Variants in ASH1L observed in about 807,000 individuals in gnomAD.
The protein encoded by ASH1L is ASH1 like histone lysine methyltransferase.
ASH1L carries 23 observed loss-of-function variants against 269.0 expected under a neutral mutation model. The ratio of observed to expected loss-of-function variants is 0.09; its 90% CI spans 0.06 to 0.12. The LOEUF is 0.12. ASH1L is among the 10% of genes least tolerant of loss of function. The pLI is 1.00. For missense variants in ASH1L, 2,912 were observed against 3,567.8 expected, an observed-to-expected ratio of 0.82 and a Z score of 4.68; for synonymous variants, 1,187 against 1,253.5, an observed-to-expected ratio of 0.95 and a Z score of 1.12.
intron 1 of ASH1L, among the ~76,000 whole-genome samples, chr1:155,553,334 CATT>C (rs1259781656): frequency 1.3e-5 from 2 of 152,108 alleles, no homozygotes; most frequent in Admixed American, 6.6e-5. Context: ...ATTTTATTGA[CATT>C]AATCTTTGCT....
intron 6 of ASH1L, among the ~76,000 whole-genome samples, chr1:155,405,246 T>G (rs1441020794): frequency 6.9e-6 from 1 of 145,212 alleles, no homozygotes; most frequent in Non-Finnish European, 1.5e-5. Flanking sequence ...TTTAGGGGGC[T>G]GAGGGGGGGG....
chr1:155,500,433 CA>C (rs1402770779), intron 2 of ASH1L, among the ~76,000 whole-genome samples: 1 of 152,170 alleles, frequency 6.6e-6, no homozygotes, highest in Non-Finnish European at 1.5e-5. Flanking sequence ...TCCATCATAG[CA>C]AGACTCAGAG....
chr1:155,533,346 A>T (rs1464743957), intron 1 of ASH1L, among the ~76,000 whole-genome samples: 4 of 152,062 alleles, frequency 2.6e-5, no homozygotes, highest in Admixed American at 2.6e-4. Context: ...ATGAAAAGAC[A>T]GGCTAATGGC....
At chr1:155,501,518 G>A (rs974311423) in intron 2 of ASH1L, among the ~76,000 whole-genome samples, 2 of 151,786 alleles carry the variant, frequency 1.3e-5, no homozygotes, top group Admixed American at 6.6e-5. Flanking sequence ...CTACAGGTGG[G>A]TGTCACCATT....
chr1:155,484,941 A>C lies in ASH1L; in HGVS notation c.421-2492T>G, dbSNP rs1201153599. ...GATGCTCTGTCTCAAAAAAAAAAAA[A>C]AACAAAAACAAAAACAAAAACAAAA... On this transcript the variant is annotated intron_variant, in intron 2 of 27. Coordinates refer to ENST00000392403, the MANE Select transcript of ASH1L (RefSeq NM_018489.3). 1.3e-4 allele frequency among the ~76,000 whole-genome samples: 17 copies of C among 134,366 alleles called. No individual in the cohort carries two copies. In the East Asian group the frequency reaches 2.8e-3, roughly 22 times the overall value. 88.1% of individuals were successfully genotyped at this position (134,366 alleles called of 152,430 possible).
intron 2 of ASH1L, among the ~76,000 whole-genome samples, chr1:155,504,801 CTGAGA>C (rs1558174239): frequency 6.7e-6 from 1 of 149,886 alleles, no homozygotes; most frequent in Non-Finnish European, 1.5e-5. Context: ...TTGCAGTGAG[CTGAGA>C]TAACACCATT....
chr1:155,563,017 G>T, upstream of ASH1L: 4 of 458,454 alleles, frequency 8.7e-6, 1 homozygote, highest in South Asian at 6.1e-5. Flanking sequence ...GCGGGTCGGG[G>T]CTTGCCGTTT....
rs780886514 is a variant in ASH1L at position 155,478,384 on chromosome 1, CAGA to C, written c.4483_4485del (p.Ser1495del). On this transcript the variant is annotated inframe_deletion, in exon 3 of 28. Transcript: ENST00000392403. The surrounding 1 kb of genome is among the most constrained non-coding windows in gnomAD (Gnocchi z 4.6). Reference sequence around the variant, plus strand: ...GTGTCCATAGAAACCTGGGGTTGTTCAGAAGAACGGTGTTCTCTGTGTTTGTGA... The same window carrying C: ...GTGTCCATAGAAACCTGGGGTTGTTCAGAACGGTGTTCTCTGTGTTTGTGA... The C allele has an allele frequency of 1.9e-5, 30 of 1,613,922 alleles. No individual in the cohort carries two copies. Among genetic ancestry groups the C allele is most frequent in the Non-Finnish European group, 2.3e-5 (27 of 1,180,020 alleles).
chr1:155,558,234 C>T (rs898200030), intron 1 of ASH1L, among the ~76,000 whole-genome samples: 2 of 152,112 alleles, frequency 1.3e-5, no homozygotes, highest in South Asian at 2.1e-4. Context: ...TTTGGGAGGC[C>T]GAGGCGGGTG....
At chr1:155,358,782 AT>A (rs1158883484) in intron 13 of ASH1L, 6 of 151,894 alleles carry the variant, frequency 4.0e-5, no homozygotes, top group Non-Finnish European at 8.8e-5. Context: ...TCTCTGTATC[AT>A]TCCAATTTTA....
At chr1:155,417,936 T>C (rs1660350014) in intron 5 of ASH1L, among the ~76,000 whole-genome samples, 1 of 149,336 alleles carries the variant, frequency 6.7e-6, no homozygotes, top group Non-Finnish European at 1.5e-5. Flanking sequence ...CCAGCCTGGG[T>C]GACAAGAGCA....
At chr1:155,440,607 A>C (rs756406081) in intron 4 of ASH1L, 2 of 776,754 alleles carry the variant, frequency 2.6e-6, no homozygotes. Context: ...AAAATTACCA[A>C]AACGAAAAAT....
At chr1:155,346,332 G>A (rs776988825) in intron 21 of ASH1L, 51 bp downstream of exon 21, 3 of 1,569,126 alleles carry the variant, frequency 1.9e-6, no homozygotes, top group African/African-American at 1.3e-5. Flanking sequence ...GAGATACCAT[G>A]TGCTACCTCT....
chr1:155,378,162 A>G (rs1656627449), intron 10 of ASH1L, 119 bp downstream of exon 10: 5 of 708,548 alleles, frequency 7.1e-6, no homozygotes, highest in Admixed American at 2.2e-5. Context: ...TATGGTTTAT[A>G]TATCTTTGTG....
At chr1:155,428,346 G>A (rs1661328536) in intron 5 of ASH1L, among the ~76,000 whole-genome samples, 1 of 150,796 alleles carries the variant, frequency 6.6e-6, no homozygotes, top group South Asian at 2.1e-4. Context: ...GAGACTGAGG[G>A]CAGGAGAATT....
At chr1:155,457,297 A>T (rs535459307) in intron 4 of ASH1L, among the ~76,000 whole-genome samples, 1 of 152,292 alleles carries the variant, frequency 6.6e-6, no homozygotes, top group South Asian at 2.1e-4. Context: ...AACTCCTCTG[A>T]ATGAAAAAAA....
rs552980634 is a variant in ASH1L, at chr1:155,433,261, G to A, written c.5828+5066C>T. ...GTGATGGGCCAGGGGGGCCGGAGCC[G>A]GGCTGGGTTGATCCTCGGACCTGGC... On this transcript the variant is annotated intron_variant, in intron 5 of 27. Coordinates refer to ENST00000392403, the MANE Select transcript of ASH1L (RefSeq NM_018489.3). 52 of 1,558,128 alleles carry A rather than the reference G, an allele frequency of 3.3e-5. No individual in the cohort carries two copies. The African/African-American group carries it at 3.5e-4, about 11-fold the overall frequency.
chr1:155,490,811 A>G (rs1288163343), intron 2 of ASH1L, among the ~76,000 whole-genome samples: 19 of 151,638 alleles, frequency 1.3e-4, no homozygotes. Context: ...TAAATCTCCA[A>G]AATTAGCTGG....
intron 12 of ASH1L, among the ~76,000 whole-genome samples, chr1:155,361,193 C>A (rs776287108): frequency 2.0e-5 from 3 of 151,796 alleles, no homozygotes; most frequent in African/African-American, 7.3e-5. Flanking sequence ...ACCAGCCAGG[C>A]CAACATAGTG....
Sources: allele counts gnomAD v4.1 joint callset (sites outside exome capture counted in the v4.1 genomes callset), GRCh38; gene constraint gnomAD v4.1.1; non-coding constraint Gnocchi (gnomAD v3.1); transcripts MANE v1.5; gene names NCBI Gene and HGNC (gene_info 2026-07-23, HGNC 2026-07-21).